The following CHM variants were observed in gnomAD, a reference collection of about 807,000 sequenced individuals.
The protein encoded by CHM is rab proteins geranylgeranyltransferase component A 1.
Under a neutral mutation model 49.0 loss-of-function variants are expected in CHM, and 10 were observed. The ratio of observed to expected loss-of-function variants is 0.20; its 90% CI spans 0.13 to 0.35. The LOEUF is 0.35. Ranked by LOEUF, CHM falls within the 10% of genes least tolerant of loss-of-function variation. CHM has a pLI of 1.00. For synonymous variants in CHM, 184 were observed against 167.5 expected, an observed-to-expected ratio of 1.10 and a Z score of -0.76; for missense variants, 455 against 478.4, an observed-to-expected ratio of 0.95 and a Z score of 0.46.
At chrX:85,963,053 G>C (rs1930375601) in intron 5 of CHM, among the ~76,000 whole-genome samples, 1 of 111,259 alleles carries the variant, frequency 9.0e-6, no homozygotes, top group South Asian at 3.8e-4. Context: ...AGAAAGTGCA[G>C]ATTTGTTACA....
chrX:86,024,872 G>A (rs1933740068), intron 2 of CHM, among the ~76,000 whole-genome samples: 3 of 111,725 alleles, frequency 2.7e-5, no homozygotes, highest in Admixed American at 1.9e-4. Flanking sequence ...AAGACTGGGA[G>A]CAGGATGCTG....
At chrX:86,023,318 GTA>G (rs1357794341) in intron 2 of CHM, among the ~76,000 whole-genome samples, 1 of 111,122 alleles carries the variant, frequency 9.0e-6, no homozygotes, top group Non-Finnish European at 1.9e-5. Context: ...TCAACTACGT[GTA>G]GTTTCCCAAA....
intron 2 of CHM, among the ~76,000 whole-genome samples, chrX:86,008,240 C>G (rs1932910117): frequency 9.0e-6 from 1 of 111,219 alleles, no homozygotes; most frequent in African/African-American, 3.3e-5. Context: ...AGGAATATCA[C>G]ACACCGGGGC....
intron 2 of CHM, among the ~76,000 whole-genome samples, chrX:86,023,277 C>T (rs1603282125): frequency 9.0e-6 from 1 of 111,437 alleles, no homozygotes; most frequent in African/African-American, 3.3e-5. Flanking sequence ...CCAACCTGTA[C>T]TTAATTGTAT....
intron 2 of CHM, among the ~76,000 whole-genome samples, chrX:85,998,984 A>T (rs1932574081): frequency 9.0e-6 from 1 of 111,300 alleles, no homozygotes; most frequent in Admixed American, 9.6e-5. Flanking sequence ...ATAATTACAG[A>T]AAAAAAGGTT....
intron 1 of CHM, among the ~76,000 whole-genome samples, chrX:86,044,378 T>C (rs1369138614): frequency 8.9e-6 from 1 of 112,343 alleles, no homozygotes; most frequent in Non-Finnish European, 1.9e-5. Flanking sequence ...TTGATAACAT[T>C]CCTTGTATCT....
chrX:86,038,163 A>G (rs1832318148), intron 1 of CHM, among the ~76,000 whole-genome samples: 1 of 111,772 alleles, frequency 8.9e-6, no homozygotes, highest in African/African-American at 3.3e-5. Flanking sequence ...GATCACTACA[A>G]AGATTTTTAA....
chrX:85,970,855 T>A (rs867101926), intron 4 of CHM: 1 of 565,134 alleles, frequency 1.8e-6, no homozygotes, highest in African/African-American at 2.5e-5. Context: ...AAAGCTCTGA[T>A]AAAACAATCT....
chrX:85,887,637 G>T (rs1245871037), intron 12 of CHM, among the ~76,000 whole-genome samples: 1 of 111,450 alleles, frequency 9.0e-6, no homozygotes, highest in African/African-American at 3.3e-5. Context: ...GGAAAATGTG[G>T]GAAAGTTTGG....
intron 8 of CHM, among the ~76,000 whole-genome samples, chrX:85,950,044 G>A (rs1929660708): frequency 1.1e-5 from 1 of 88,503 alleles, no homozygotes; most frequent in African/African-American, 4.3e-5. Context: ...AGGTTGTATT[G>A]CATTATTAAG....
At chrX:86,042,721 T>A (rs1934516225) in intron 1 of CHM, among the ~76,000 whole-genome samples, 1 of 107,200 alleles carries the variant, frequency 9.3e-6, no homozygotes, top group Non-Finnish European at 1.9e-5. Flanking sequence ...TACTCAGGAG[T>A]CTGAGGTGGG....
chrX:85,921,819 C>T lies in CHM; in HGVS notation c.1167-10481G>A, dbSNP rs115943201. 6.8e-3 allele frequency among the ~76,000 whole-genome samples: 762 copies of T among 112,322 alleles called. 4 individuals are homozygous for T. Among genetic ancestry groups the T allele is most frequent in the African/African-American group, 0.023 (700 of 30,946 alleles). ...TATCATAACACTATATTTAAAACAACATATTGAGTTTTCTGTCATGTTGTA... is the reference window on the plus strand; with the variant it reads ...TATCATAACACTATATTTAAAACAATATATTGAGTTTTCTGTCATGTTGTA... On this transcript the variant is annotated intron_variant, in intron 8 of 14. Coordinates refer to ENST00000357749, the MANE Select transcript of CHM (RefSeq NM_000390.4).
At chrX:85,952,735 C>T (rs1041021361) in intron 8 of CHM, among the ~76,000 whole-genome samples, 26 of 113,066 alleles carry the variant, frequency 2.3e-4, no homozygotes, top group African/African-American at 7.4e-4. Context: ...AACTCAGACA[C>T]AGGGGTGCAG....
At chrX:85,897,040 CATAAT>C (rs1321712133) in intron 11 of CHM, among the ~76,000 whole-genome samples, 1 of 90,633 alleles carries the variant, frequency 1.1e-5, no homozygotes, top group Non-Finnish European at 2.1e-5. Flanking sequence ...TATATAATAA[CATAAT>C]ATATAATACA....
At chrX:85,961,144 G>A (rs183547708) in intron 5 of CHM, among the ~76,000 whole-genome samples, 6 of 111,024 alleles carry the variant, frequency 5.4e-5, no homozygotes, top group East Asian at 2.8e-4. Context: ...GTCTTTGGAC[G>A]AGCACGGTGG....
At chrX:85,905,338 C>A (rs1014034693) in intron 9 of CHM, among the ~76,000 whole-genome samples, 2 of 111,718 alleles carry the variant, frequency 1.8e-5, no homozygotes, top group Non-Finnish European at 3.8e-5. Flanking sequence ...ATGATAATGA[C>A]CTGCTAGCAA....
chrX:86,021,480 C>T, intron 2 of CHM, among the ~76,000 whole-genome samples: 1 of 109,977 alleles, frequency 9.1e-6, no homozygotes, highest in Non-Finnish European at 1.9e-5. Flanking sequence ...AGGTTACACA[C>T]CTAGTAAGTG....
In CHM at chrX:85,956,288, G is replaced by A; in HGVS notation, c.1031C>T (p.Thr344Ile). ...QYIVMHSIAM[T>I]SETASSTIDG... ...TATGGTGCTGCTGGCTGTCTCTGAT[G>A]TCATTGCAATTGAATGCATGACAAT... The change falls in exon 8 of 15, where the codon ACA (threonine) becomes ATA (isoleucine). Residue 344 changes from threonine (T) to isoleucine (I), a missense_variant. Thr to Ile is a moderately conservative substitution (Grantham distance 89). Transcript: ENST00000357749. The A allele has an allele frequency of 2.5e-6, 3 of 1,211,637 alleles. No individual in the cohort carries two copies. Among genetic ancestry groups the A allele is most frequent in the Non-Finnish European group, 3.4e-6 (3 of 895,399 alleles).
chrX:85,892,111 A>T (rs192939995), intron 12 of CHM, among the ~76,000 whole-genome samples: 1 of 112,025 alleles, frequency 8.9e-6, no homozygotes, highest in East Asian at 2.8e-4. Flanking sequence ...CATTGTATCT[A>T]GGAAGTTAAC....
Sources: gnomAD v4.1 joint callset for allele counts (sites outside exome capture counted in the v4.1 genomes callset) on GRCh38, gnomAD v4.1.1 for gene constraint, MANE v1.5 for transcripts, NCBI Gene and HGNC (gene_info 2026-07-23, HGNC 2026-07-21) for gene names.